Variants in PLCG2 observed in about 807,000 individuals in gnomAD.
PLCG2 encodes 1-phosphatidylinositol 4,5-bisphosphate phosphodiesterase gamma-2.
Under a neutral mutation model 175.6 loss-of-function variants are expected in PLCG2, and 69 were observed. The observed-to-expected ratio is 0.39, with a 90% CI of 0.32 to 0.48. The LOEUF is 0.48. Among genes scored for constraint, PLCG2 ranks in the 20% least tolerant of loss-of-function variants. PLCG2 has a pLI of 0.91. For synonymous variants in PLCG2, 827 were observed against 624.0 expected (o/e 1.33, Z -4.85); for missense variants, 1,798 against 1,650.9 (o/e 1.09, Z -1.54).
chr16:81,827,627 C>T (rs1298658151), intron 2 of PLCG2, among the ~76,000 whole-genome samples: 2 of 152,094 alleles, frequency 1.3e-5, no homozygotes, highest in Non-Finnish European at 2.9e-5. Flanking sequence ...TAAACACAGG[C>T]TGCACACTGG....
chr16:81,883,098 G>T (rs1232472206), intron 8 of PLCG2, among the ~76,000 whole-genome samples, 171 bp from the exon 9 acceptor site: 1 of 152,098 alleles, frequency 6.6e-6, no homozygotes, highest in African/African-American at 2.4e-5. Flanking sequence ...TGTAGGTGAG[G>T]GACATTGTGT....
At position 81,858,312 on chromosome 16, in the gene PLCG2, A is replaced by G. The variant is rs763570902; in HGVS notation, c.387A>G (p.Leu129=). 1 of 1,614,084 alleles carries G rather than the reference A, an allele frequency of 6.2e-7. No individual in the cohort carries two copies. Among genetic ancestry groups the G allele is most frequent in the South Asian group, 1.1e-5 (1 of 91,082 alleles). ...AVNWLSGLKI[L]HQEAMNASTP... is the part of the protein sequence containing the mutation. ...ACTGGCTCTCTGGCTTGAAAATCTT[A>G]CACCAGGAAGCGATGAATGCGTCCA... Residue 129 remains leucine (L), a synonymous_variant, in exon 4 of 33, where the codon TTA becomes TTG. Coordinates refer to ENST00000564138, the MANE Select transcript of PLCG2 (RefSeq NM_002661.5).
intron 10 of PLCG2, 121 bp from the exon 11 acceptor site, chr16:81,891,351 C>G (rs772496538): frequency 1.4e-6 from 1 of 695,642 alleles, no homozygotes; most frequent in Non-Finnish European, 2.7e-6. Context: ...GGTCTGGAGA[C>G]CGCCTGTTGA....
At chr16:81,953,400 C>T (rs550393419) in intron 31 of PLCG2, among the ~76,000 whole-genome samples, 110 of 152,188 alleles carry the variant, frequency 7.2e-4, no homozygotes, top group African/African-American at 2.6e-3. Context: ...GAACATTGTA[C>T]TATTACTGTA....
intron 21 of PLCG2, 192 bp from the exon 22 acceptor site, chr16:81,923,293 T>C: frequency 1.8e-6 from 1 of 551,452 alleles, no homozygotes; most frequent in Non-Finnish European, 3.3e-6. Flanking sequence ...CCAGTTCTCC[T>C]TCACTCCCTG....
intron 31 of PLCG2, among the ~76,000 whole-genome samples, chr16:81,946,761 T>G (rs763421460): frequency 2.0e-5 from 3 of 152,198 alleles, no homozygotes; most frequent in Non-Finnish European, 2.9e-5. Flanking sequence ...TTTCCTCCTT[T>G]ACGCCAGAAT....
chr16:81,947,852 G>A (rs1182987220), intron 31 of PLCG2, among the ~76,000 whole-genome samples: 2 of 152,182 alleles, frequency 1.3e-5, no homozygotes, highest in African/African-American at 4.8e-5. Flanking sequence ...GTTGAAAAGA[G>A]TCCCCCAGAT....
chr16:81,941,088 CGTG>C (rs1188246607), intron 30 of PLCG2, among the ~76,000 whole-genome samples: 1 of 152,126 alleles, frequency 6.6e-6, no homozygotes, highest in East Asian at 1.9e-4. Context: ...TGTTTGGAAA[CGTG>C]GGGCTCAATG....
chr16:81,830,611 C>T (rs1410415078), intron 2 of PLCG2, among the ~76,000 whole-genome samples: 1 of 151,648 alleles, frequency 6.6e-6, no homozygotes, highest in African/African-American at 2.4e-5. Flanking sequence ...CCTGGTAAGA[C>T]TGTGTCTTAA....
chr16:81,908,812 A>C (rs1441297696), intron 17 of PLCG2, among the ~76,000 whole-genome samples: 1 of 152,198 alleles, frequency 6.6e-6, no homozygotes, highest in East Asian at 1.9e-4. Context: ...TCTTTTAAAA[A>C]ATCAAAAGTA....
intron 2 of PLCG2, among the ~76,000 whole-genome samples, chr16:81,843,711 T>G (rs972169913): frequency 7.9e-5 from 12 of 152,226 alleles, no homozygotes; most frequent in Admixed American, 7.9e-4. Context: ...TACCTTGTAC[T>G]GTAATGGAAA....
At chr16:81,860,530 G>A (rs556841233) in intron 5 of PLCG2, among the ~76,000 whole-genome samples, 1 of 152,096 alleles carries the variant, frequency 6.6e-6, no homozygotes. Flanking sequence ...ATGATTTATT[G>A]TGCCATTAGA....
intron 1 of PLCG2, among the ~76,000 whole-genome samples, chr16:81,781,030 C>CAAAG (rs1161533267): frequency 4.6e-4 from 70 of 150,674 alleles, no homozygotes; most frequent in African/African-American, 1.6e-3. Context: ...CATCTCAAGA[C>CAAAG]AAACAAACAA....
chr16:81,937,724 C>T lies in PLCG2; in HGVS notation c.3053-34C>T, dbSNP rs1405748142. On this transcript the variant is annotated intron_variant, in intron 27 of 32. Coordinates refer to ENST00000564138, the MANE Select transcript of PLCG2 (RefSeq NM_002661.5). ...GCCTAGGGGGCCAGCGTGCTCATGCCTGACTTACAGCAGGCGTTCACTTTC... is the reference window on the plus strand; with the variant it reads ...GCCTAGGGGGCCAGCGTGCTCATGCTTGACTTACAGCAGGCGTTCACTTTC... The T allele has an allele frequency of 1.9e-6, 3 of 1,605,108 alleles. No individual in the cohort carries two copies. The East Asian group carries it at 6.7e-5, about 36-fold the overall frequency.
chr16:81,937,701 C>G (rs1233425492), intron 27 of PLCG2, 57 bp from the exon 28 acceptor site: 1 of 1,545,514 alleles, frequency 6.5e-7, no homozygotes, highest in South Asian at 1.2e-5. Context: ...AACTCCTGGC[C>G]TAGGGGGCCA....
At chr16:81,935,419 G>T (rs1046844987) in intron 26 of PLCG2, 10 of 440,564 alleles carry the variant, frequency 2.3e-5, no homozygotes, top group Non-Finnish European at 2.7e-5. Flanking sequence ...CATCTTTGGG[G>T]GCCATTTAAA....
intron 9 of PLCG2, among the ~76,000 whole-genome samples, chr16:81,884,042 C>G (rs373883495): frequency 2.0e-5 from 3 of 152,196 alleles, no homozygotes; most frequent in Admixed American, 6.5e-5. Context: ...GGCAGCCCCC[C>G]CTACCCCCCA....
At chr16:81,883,481 T>G (rs535662993) in intron 9 of PLCG2, 140 bp downstream of exon 9, 24 of 656,682 alleles carry the variant, frequency 3.7e-5, no homozygotes, top group Admixed American at 3.5e-4. Context: ...CCTGTCTTCA[T>G]GGAACGATTG....
At chr16:81,814,338 G>T (rs1248967061) in intron 2 of PLCG2, among the ~76,000 whole-genome samples, 3 of 152,152 alleles carry the variant, frequency 2.0e-5, no homozygotes, top group Admixed American at 6.5e-5. Context: ...TATAGTCTGG[G>T]GTCAGAATGT....
Sources: allele counts gnomAD v4.1 joint callset (sites outside exome capture counted in the v4.1 genomes callset), GRCh38; gene constraint gnomAD v4.1.1; transcripts MANE v1.5; gene names NCBI Gene and HGNC (gene_info 2026-07-23, HGNC 2026-07-21).